MAX: variants seen among roughly 807,000 people sequenced by gnomAD.
MAX encodes MYC associated transcriptional regulator X.
MAX carries 3 observed loss-of-function variants against 22.3 expected under a neutral mutation model. The observed-to-expected ratio is 0.13, with a 90% CI of 0.06 to 0.35. The LOEUF (loss-of-function observed/expected upper bound fraction) is 0.35, where lower values mean the gene tolerates loss of function less well. MAX is among the 10% of genes least tolerant of loss of function. MAX has a pLI of 1.00. For missense variants in MAX, 119 were observed against 209.4 expected (o/e 0.57, Z 2.66); for synonymous variants, 72 against 77.7 (o/e 0.93, Z 0.39).
In MAX at chr14:65,082,781, GA is replaced by G. The variant is rs1391228675; in HGVS notation, c.172-4746del. Among the ~76,000 whole-genome samples, 2 of 151,828 alleles carry G rather than the reference GA, an allele frequency of 1.3e-5. No individual in the cohort carries two copies. Among genetic ancestry groups the G allele is most frequent in the Non-Finnish European group, 2.9e-5 (2 of 67,938 alleles). ...AGACCCTGTATAAAAAAAAAAAAGT[GA>G]AAAATGGTAGTTTGTAATAGCAGGA... On this transcript the variant is annotated intron_variant, in intron 3 of 4. Coordinates refer to ENST00000358664, the MANE Select transcript of MAX (RefSeq NM_002382.5). This position sits in a 1 kb window ranked among gnomAD's most constrained non-coding sequence, Gnocchi z 4.8.
chr14:65,084,168 A>C lies in MAX; in HGVS notation c.172-6132T>G, dbSNP rs2063265370. The stretch of plus-strand genomic sequence containing the variant: ...GTAAGACATTTGTGTAAGGGGTCAA[A>C]ACAATCATTTTTTAAATCTTGCATT... On this transcript the variant is annotated intron_variant, in intron 3 of 4. Transcript: ENST00000358664. This position sits in a 1 kb window ranked among gnomAD's most constrained non-coding sequence, Gnocchi z 4.3. 1 of 1,613,750 alleles carries C rather than the reference A, an allele frequency of 6.2e-7. No homozygotes were observed. The highest frequency in any genetic ancestry group is 8.5e-7 in the Non-Finnish European group (1 of 1,179,722).
chr14:65,043,321 C>T (rs1048599380), intron 3 of MAX, among the ~76,000 whole-genome samples: 7 of 152,232 alleles, frequency 4.6e-5, no homozygotes, highest in East Asian at 1.9e-4. Context: ...CGTGTGTGAC[C>T]GCTGAGTGAC....
In MAX at chr14:65,056,046, C is replaced by T. The variant is rs183522062; in HGVS notation, c.171+37662G>A. On this transcript the variant is annotated intron_variant, in intron 3 of 3. Transcript: ENST00000341653. ...GTCCCAAATTTGACATGTATCATGC[C>T]TGTGGATGTTTTTGTGCTATTGCTA... 2.5e-4 allele frequency among the ~76,000 whole-genome samples: 38 copies of T among 152,198 alleles called. 3 individuals carry two copies. Among genetic ancestry groups the T allele is most frequent in the Admixed American group, 2.3e-3 (35 of 15,302 alleles).
chr14:65,049,617 A>G (rs1342585035), intron 3 of MAX, among the ~76,000 whole-genome samples: 1 of 152,188 alleles, frequency 6.6e-6, no homozygotes, highest in East Asian at 1.9e-4. Context: ...AACAGTCTAT[A>G]GTTTTTTATA....
rs572319066 is a variant in MAX at position 65,031,817 on chromosome 14, A to T, written c.172-25533T>A. Among the ~76,000 whole-genome samples, 3 of 152,206 alleles carry T rather than the reference A, an allele frequency of 2.0e-5. No individual in the cohort carries two copies. The highest frequency in any genetic ancestry group is 7.2e-5 in the African/African-American group (3 of 41,574). On this transcript the variant is annotated intron_variant, in intron 3 of 3. Coordinates refer to the MAX transcript ENST00000341653. This position sits in a 1 kb window ranked among gnomAD's most constrained non-coding sequence, Gnocchi z 4.6. Reference sequence around the variant, plus strand: ...GCGCCTGTAATCCCAGCTACTTGGGAGGCTGATACAGGAGAATTGCTTGAA... The same window carrying T: ...GCGCCTGTAATCCCAGCTACTTGGGTGGCTGATACAGGAGAATTGCTTGAA...
chr14:65,025,001 G>A (rs1004490630), intron 3 of MAX, among the ~76,000 whole-genome samples: 3 of 152,324 alleles, frequency 2.0e-5, no homozygotes, highest in Admixed American at 2.0e-4. Flanking sequence ...AGAAGTCTGT[G>A]AATGACAGCT....
At chr14:65,019,350 G>A (rs2061843995) in intron 3 of MAX, among the ~76,000 whole-genome samples, 1 of 151,530 alleles carries the variant, frequency 6.6e-6, no homozygotes, top group Non-Finnish European at 1.5e-5. Flanking sequence ...AGCCAGATGT[G>A]GTGGCTGGCA....
chr14:65,100,799 C>T (rs2139955764), intron 2 of MAX, among the ~76,000 whole-genome samples: 1 of 152,318 alleles, frequency 6.6e-6, no homozygotes, highest in East Asian at 1.9e-4. Flanking sequence ...ACTCCAAAGA[C>T]ATGGAATTAG....
chr14:65,042,199 CG>C (rs1207782355), intron 3 of MAX, among the ~76,000 whole-genome samples: 7 of 151,222 alleles, frequency 4.6e-5, no homozygotes, highest in Admixed American at 2.6e-4. Flanking sequence ...GGGGGTGGGA[CG>C]GGGGGTGATG....
In MAX at chr14:65,023,714, GCT is replaced by G. The variant is rs1447598226; in HGVS notation, c.172-17432_172-17431del. Reference sequence around the variant, plus strand: ...TTTAAATTGCCTCATGTGGCTAGTGGCTGCCTATTGGACAGCACAGATGTATC... The same window carrying G: ...TTTAAATTGCCTCATGTGGCTAGTGGGCCTATTGGACAGCACAGATGTATC... On this transcript the variant is annotated intron_variant, in intron 3 of 3. Coordinates refer to the MAX transcript ENST00000341653. The surrounding 1 kb of genome is among the most constrained non-coding windows in gnomAD (Gnocchi z 4.1). Among the ~76,000 whole-genome samples the G allele has an allele frequency of 2.0e-5, 3 of 152,126 alleles. No homozygotes were observed. Among genetic ancestry groups the G allele is most frequent in the Non-Finnish European group, 4.4e-5 (3 of 68,030 alleles).
chr14:65,023,216 G>T lies in MAX; in HGVS notation c.172-16932C>A, dbSNP rs1328282963. On this transcript the variant is annotated intron_variant, in intron 3 of 3. Transcript: ENST00000341653. This position sits in a 1 kb window ranked among gnomAD's most constrained non-coding sequence, Gnocchi z 4.1. ...TGGGGCTAGAGGTGGGTGCCAACGT[G>T]CCTGGTTAATTTTTATAATTCTTGT... Among the ~76,000 whole-genome samples the T allele has an allele frequency of 6.6e-6, 1 of 152,116 alleles. No individual in the cohort carries two copies. The highest frequency in any genetic ancestry group is 1.5e-5 in the Non-Finnish European group (1 of 68,022).
rs748850378 is a variant in MAX at position 65,077,321 on chromosome 14, T to G, written c.295+592A>C. ...ATTTTATTTTATTTTATTTGAGGTT[T>G]TCTAACCCAGGTGGTTACTTGCATT... On this transcript the variant is annotated intron_variant, in intron 4 of 4. Transcript: ENST00000358664. The surrounding 1 kb of genome is among the most constrained non-coding windows in gnomAD (Gnocchi z 6.3). 1.3e-6 allele frequency: 2 copies of G among 1,553,320 alleles called. No homozygotes were observed. The highest frequency in any genetic ancestry group is 1.8e-6 in the Non-Finnish European group (2 of 1,125,628).
In MAX at chr14:65,093,931, G is replaced by A; in HGVS notation, c.64-116C>T. ...CAGCACTGTCCCTGGCGAGTGGACT[G>A]GGAAGGATTTCTCGAGGTGGGCAGT... On this transcript the variant is annotated intron_variant, in intron 2 of 4. Coordinates refer to ENST00000358664, the MANE Select transcript of MAX (RefSeq NM_002382.5). This position sits in a 1 kb window ranked among gnomAD's most constrained non-coding sequence, Gnocchi z 4.4. 1 of 746,870 alleles carries A rather than the reference G, an allele frequency of 1.3e-6. No homozygotes were observed. The highest frequency in any genetic ancestry group is 2.5e-6 in the Non-Finnish European group (1 of 405,532). The allele number at this position is 746,870 out of a possible 1,614,324, so 46.3% of individuals were successfully genotyped here. A position where few individuals can be genotyped will look rare whatever the true frequency, so the allele number is the denominator to read the frequency against.
rs537048294 is a variant in MAX at position 65,028,060 on chromosome 14, T to A, written c.172-21776A>T. Among the ~76,000 whole-genome samples, 132 of 152,366 alleles carry A rather than the reference T, an allele frequency of 8.7e-4. 1 individual carries two copies. The highest frequency in any genetic ancestry group is 1.9e-3 in the Admixed American group (29 of 15,304). On this transcript the variant is annotated intron_variant, in intron 3 of 3. Coordinates refer to the MAX transcript ENST00000341653. This position sits in a 1 kb window ranked among gnomAD's most constrained non-coding sequence, Gnocchi z 4.4. ...TACATTTGTTTGGTACAAAATGATA[T>A]ACCACAATATAAATAACTGTATGGT...
downstream of MAX, among the ~76,000 whole-genome samples, chr14:65,071,668 C>T (rs2062989079): frequency 6.6e-6 from 1 of 152,268 alleles, no homozygotes; most frequent in Admixed American, 6.5e-5. The surrounding 1 kb of genome is among the most constrained non-coding windows in gnomAD (Gnocchi z 4.2). Flanking sequence ...AGGGTTGTAG[C>T]TGGCATGGCA....
rs1016577778 is a variant in MAX, at chr14:65,023,798, TTA to T, written c.172-17516_172-17515del. Among the ~76,000 whole-genome samples the T allele has an allele frequency of 3.3e-4, 51 of 152,246 alleles. No homozygotes were observed. Among genetic ancestry groups the T allele is most frequent in the African/African-American group, 1.2e-3 (48 of 41,548 alleles). On this transcript the variant is annotated intron_variant, in intron 3 of 3. Coordinates refer to the MAX transcript ENST00000341653. This position sits in a 1 kb window ranked among gnomAD's most constrained non-coding sequence, Gnocchi z 4.1. ...AGGAGCATTGCTATCACCTGGGAAC[TTA>T]TTAGAAATGAGGACTCTCAGCCGGG... is the stretch of plus-strand genomic sequence containing the variant.
At position 65,084,715 on chromosome 14, in the gene MAX, AC is replaced by A. The variant is rs2139803210; in HGVS notation, c.172-6680del. Among the ~76,000 whole-genome samples, 1 of 152,374 alleles carries A rather than the reference AC, an allele frequency of 6.6e-6. No individual in the cohort carries two copies. Among genetic ancestry groups the A allele is most frequent in the Admixed American group, 6.5e-5 (1 of 15,310 alleles). ...ACATGCCTAATGACTAAACATGAGC[AC>A]ACTGTATGACCTAGCGAAAAAATAT... On this transcript the variant is annotated intron_variant, in intron 3 of 4. Coordinates refer to ENST00000358664, the MANE Select transcript of MAX (RefSeq NM_002382.5). This position sits in a 1 kb window ranked among gnomAD's most constrained non-coding sequence, Gnocchi z 4.3.
rs1595116902 is a variant in MAX, at chr14:65,064,768, A to G, written c.171+28940T>C. On this transcript the variant is annotated intron_variant, in intron 3 of 3. Transcript: ENST00000341653. Reference sequence around the variant, plus strand: ...GGAACGGGGAAGGAACAAAGCTCCAAATGCAAATTAGGATTGTTGCCAAAG... The same window carrying G: ...GGAACGGGGAAGGAACAAAGCTCCAGATGCAAATTAGGATTGTTGCCAAAG... 2.0e-5 allele frequency among the ~76,000 whole-genome samples: 3 copies of G among 152,350 alleles called. No individual in the cohort carries two copies. In the East Asian group the frequency reaches 5.8e-4, roughly 29 times the overall value.
intron 2 of MAX, among the ~76,000 whole-genome samples, chr14:65,100,248 G>A (rs113289645): frequency 9.7e-5 from 8 of 82,054 alleles, no homozygotes; most frequent in African/African-American, 2.8e-4. Context: ...TTAAGAGATC[G>A]AGACCAGCCT....
Sources: allele counts gnomAD v4.1 joint callset (sites outside exome capture counted in the v4.1 genomes callset), GRCh38; gene constraint gnomAD v4.1.1; non-coding constraint Gnocchi (gnomAD v3.1); transcripts MANE v1.5; gene names NCBI Gene and HGNC (gene_info 2026-07-23, HGNC 2026-07-21).